CEL: variants seen among roughly 807,000 people sequenced by gnomAD.
CEL encodes the protein carboxyl ester lipase.
CEL carries 39 observed loss-of-function variants against 57.1 expected under a neutral mutation model. The ratio of observed to expected loss-of-function variants is 0.68; its 90% CI spans 0.53 to 0.89. The LOEUF (loss-of-function observed/expected upper bound fraction) is 0.89. Ranked by LOEUF, CEL falls within the 40% of genes least tolerant of loss-of-function variation. CEL has a pLI of 0.00. For synonymous variants in CEL, 314 were observed against 396.6 expected (o/e 0.79, Z 2.48); for missense variants, 698 against 915.0 (o/e 0.76, Z 3.06).
intron 1 of CEL, among the ~76,000 whole-genome samples, chr9:133,063,809 G>C (rs570892369): frequency 1.3e-5 from 2 of 152,098 alleles, no homozygotes; most frequent in Non-Finnish European, 2.9e-5. Flanking sequence ...TCCCTAGGGG[G>C]TTCTTTACCA....
In CEL at chr9:133,064,388, C is replaced by T. The variant is rs751467466; in HGVS notation, c.67-16C>T. 2.9e-5 allele frequency: 47 copies of T among 1,613,188 alleles called. No individual in the cohort carries two copies. In the South Asian group the frequency reaches 4.3e-4, roughly 15 times the overall value. On this transcript the variant is annotated splice_polypyrimidine_tract_variant and intron_variant, in intron 1 of 10. Coordinates refer to ENST00000372080, the MANE Select transcript of CEL (RefSeq NM_001807.6). ...GGGCTTGAGCCCCCCTGACCCTGCC[C>T]GTGTCTCCCTCGCAGCTGGGCGCCG...
At chr9:133,068,487 C>T (rs544367923) in intron 7 of CEL, among the ~76,000 whole-genome samples, 185 bp from the exon 8 acceptor site, 662 of 151,526 alleles carry the variant, frequency 4.4e-3, no homozygotes, top group South Asian at 0.035. Flanking sequence ...GGGTCGAGGC[C>T]GGGGATGCTC....
chr9:133,064,588 C>G, intron 2 of CEL, 34 bp downstream of exon 2: 1 of 1,613,888 alleles, frequency 6.2e-7, no homozygotes, highest in Non-Finnish European at 8.5e-7. Context: ...GGCCCTGCGG[C>G]GGGGCGGGTG....
rs746257330 is a variant in CEL at position 133,067,175 on chromosome 9, G to T, written c.865G>T (p.Ala289Ser). ...TACTGATCCCCGAGCCCTGACGCTGGCCTATAAGGTGCCGCTGGCAGGCCT... is the reference window on the plus strand; with the variant it reads ...TACTGATCCCCGAGCCCTGACGCTGTCCTATAAGGTGCCGCTGGCAGGCCT... Reference protein sequence around the residue: ...KVTDPRALTLAYKVPLAGLEY... With the variant: ...KVTDPRALTLSYKVPLAGLEY... The change falls in exon 7 of 11, where the codon GCC becomes TCC. Residue 289 changes from alanine to serine, a missense_variant. Coordinates refer to ENST00000372080, the MANE Select transcript of CEL (RefSeq NM_001807.6). 2.5e-6 allele frequency: 4 copies of T among 1,613,998 alleles called. No homozygotes were observed. Among genetic ancestry groups the T allele is most frequent in the Non-Finnish European group, 3.4e-6 (4 of 1,179,986 alleles).
At chr9:133,065,577 C>T (rs1331785509) in intron 4 of CEL, among the ~76,000 whole-genome samples, 3 of 152,062 alleles carry the variant, frequency 2.0e-5, no homozygotes, top group East Asian at 1.9e-4. Flanking sequence ...CTGGGCGCGG[C>T]GGCTCACCCC....
chr9:133,071,710 GC>G lies in CEL; in HGVS notation c.2214del (p.Thr739GlnfsTer19), dbSNP rs747827877. The G allele has an allele frequency of 1.4e-5, 22 of 1,611,972 alleles. 1 individual carries two copies. The highest frequency in any genetic ancestry group is 2.2e-5 in the East Asian group (1 of 44,820). On this transcript the variant is annotated frameshift_variant, in exon 11 of 11. Coordinates refer to ENST00000372080, the MANE Select transcript of CEL (RefSeq NM_001807.6). LOFTEE classifies it high-confidence loss of function. The stretch of plus-strand genomic sequence containing the variant: ...CGGGTGACTCTGAGGCTGCCCCTGT[GC>G]CCCCCACAGATGACTCCAAGGAAGC... The part of the protein sequence containing the change: ...PTGDSEAAPV[P>X]PTDDSKEAQM...
At chr9:133,063,008 G>A in intron 1 of CEL, among the ~76,000 whole-genome samples, 1 of 151,750 alleles carries the variant, frequency 6.6e-6, no homozygotes, top group Non-Finnish European at 1.5e-5. Flanking sequence ...TCGGTGCCCG[G>A]CCCAGTCCCT....
At chr9:133,067,031 G>C in intron 6 of CEL, 57 bp from the exon 7 acceptor site, 1 of 1,609,100 alleles carries the variant, frequency 6.2e-7, no homozygotes, top group Non-Finnish European at 8.5e-7. Flanking sequence ...GCCTTCAAAT[G>C]GTTCTGAGCC....
In CEL at chr9:133,068,735, C is replaced by T. The variant is rs546216566; in HGVS notation, c.959C>T (p.Pro320Leu). 26 of 1,606,954 alleles carry T rather than the reference C, an allele frequency of 1.6e-5. No homozygotes were observed. The East Asian group carries it at 2.5e-4, about 15-fold the overall frequency. ...VIDGDFIPAD[P>L]INLYANAADI... The stretch of plus-strand genomic sequence containing the variant: ...GATGGAGACTTCATCCCCGCTGACC[C>T]GATCAACCTGTACGCCAACGCCGCC... Residue 320 changes from proline to leucine, a missense_variant, in exon 8 of 11, where the codon CCG becomes CTG. Coordinates refer to ENST00000372080, the MANE Select transcript of CEL (RefSeq NM_001807.6).
In CEL at chr9:133,071,814, G is replaced by A; in HGVS notation, c.*50G>A. 3 of 1,528,952 alleles carry A rather than the reference G, an allele frequency of 2.0e-6. No individual in the cohort carries two copies. The highest frequency in any genetic ancestry group is 2.3e-5 in the East Asian group (1 of 44,294). 94.7% of individuals were successfully genotyped at this position (1,528,952 alleles called of 1,614,324 possible). A position where few individuals can be genotyped will look rare whatever the true frequency, so the allele number is the denominator to read the frequency against. On this transcript the variant is annotated 3_prime_UTR_variant, in exon 11 of 11. Coordinates refer to ENST00000372080, the MANE Select transcript of CEL (RefSeq NM_001807.6). Reference sequence around the variant, plus strand: ...AGGCCACAAGAGTGGGACCCCAGGGGCTCCCCTCCCATCTTGAGCTCTTCC... The same window carrying A: ...AGGCCACAAGAGTGGGACCCCAGGGACTCCCCTCCCATCTTGAGCTCTTCC...
Position 133,067,184 on chromosome 9 carries a change from G to T in CEL, c.874G>T (p.Val292Leu), listed in dbSNP as rs868527871. 10 of 1,613,852 alleles carry T rather than the reference G, an allele frequency of 6.2e-6. No homozygotes were observed. The African/African-American group carries it at 1.3e-4, about 22-fold the overall frequency. ...DPRALTLAYK[V>L]PLAGLEYPML... ...CCGAGCCCTGACGCTGGCCTATAAG[G>T]TGCCGCTGGCAGGCCTGGAGTGTGA... is the stretch of plus-strand genomic sequence containing the variant. Residue 292 changes from valine (V) to leucine (L), a missense_variant, in exon 7 of 11, where the codon GTG becomes TTG. Physicochemically the swap from Val to Leu is conservative, Grantham distance 32. Transcript: ENST00000372080.
At chr9:133,070,846 GC>G (rs1207562820) in intron 10 of CEL, 140 bp from the exon 11 acceptor site, 1 of 1,234,598 alleles carries the variant, frequency 8.1e-7, no homozygotes, top group Non-Finnish European at 1.2e-6. Context: ...CACGTGCACA[GC>G]CAGTGCCCAG....
chr9:133,065,270 G>T, intron 4 of CEL, 33 bp downstream of exon 4: 1 of 1,605,818 alleles, frequency 6.2e-7, no homozygotes, highest in South Asian at 1.1e-5. Context: ...GAGGTGGGGC[G>T]ACCAGCATGC....
chr9:133,065,309 AC>A, intron 4 of CEL, 72 bp downstream of exon 4: 4 of 1,539,288 alleles, frequency 2.6e-6, no homozygotes, highest in East Asian at 2.2e-5. Flanking sequence ...TTTCCTCAGC[AC>A]CCCTCACCCC....
Position 133,064,493 on chromosome 9 carries a change from C to T in CEL, c.156C>T (p.Gly52=), listed in dbSNP as rs1830142709. The T allele has an allele frequency of 6.2e-7, 1 of 1,614,156 alleles. No individual in the cohort carries two copies. The highest frequency in any genetic ancestry group is 2.2e-5 in the East Asian group (1 of 44,878). ...LLGDSVDIFK[G]IPFAAPTKAL... is the part of the protein sequence containing the mutation. ...GTGACTCTGTGGACATCTTCAAGGG[C>T]ATCCCCTTCGCAGCTCCCACCAAGG... Residue 52 remains glycine, a synonymous_variant, in exon 2 of 11, where the codon GGC becomes GGT. Coordinates refer to ENST00000372080, the MANE Select transcript of CEL (RefSeq NM_001807.6).
rs180995410 is a variant in CEL at position 133,070,665 on chromosome 9, C to G, written c.1484+7C>G. 1.9e-6 allele frequency: 3 copies of G among 1,612,084 alleles called. No individual in the cohort carries two copies. The highest frequency in any genetic ancestry group is 2.5e-6 in the Non-Finnish European group (3 of 1,178,714). ...CCAACTTTGCCAAAACAGGGTAAGA[C>G]GTGGGTTGAGTGCAGGGCGGAGGGC... On this transcript the variant is annotated splice_region_variant and intron_variant, in intron 10 of 10. Transcript: ENST00000372080.
chr9:133,065,051 C>A lies in CEL; in HGVS notation c.352C>A (p.Leu118Met), dbSNP rs1268240996. 2.5e-6 allele frequency: 4 copies of A among 1,613,336 alleles called. No homozygotes were observed. The highest frequency in any genetic ancestry group is 3.4e-6 in the Non-Finnish European group (4 of 1,180,014). Residue 118 changes from leucine to methionine, a missense_variant, in exon 4 of 11, where the codon CTG becomes ATG. Leu to Met is a conservative substitution (Grantham distance 15, BLOSUM62 2). Transcript: ENST00000372080. The stretch of plus-strand genomic sequence containing the variant: ...CTCCCCCATCTCAGTCTCCCGGGAC[C>A]TGCCCGTTATGATCTGGATCTATGG... ...PQGRKQVSRD[L>M]PVMIWIYGGA...
Position 133,066,867 on chromosome 9 carries a change from C to T in CEL, c.699C>T (p.Ile233=), listed in dbSNP as rs202014196. ...QTLSPYNKGL[I]RRAISQSGVA... ...TCTCCCCCTACAACAAGGGCCTCAT[C>T]CGGCGAGCCATCAGCCAGAGCGGCG... Residue 233 remains isoleucine (I), a synonymous_variant, in exon 6 of 11, where the codon ATC becomes ATT. Coordinates refer to ENST00000372080, the MANE Select transcript of CEL (RefSeq NM_001807.6). This position sits in a 1 kb window ranked among gnomAD's most constrained non-coding sequence, Gnocchi z 4.3. 7.0e-5 allele frequency: 113 copies of T among 1,613,006 alleles called. No homozygotes were observed. In the Admixed American group the frequency reaches 9.5e-4, roughly 14 times the overall value.
At chr9:133,069,903 G>A (rs1830235670) in intron 9 of CEL, among the ~76,000 whole-genome samples, 1 of 152,106 alleles carries the variant, frequency 6.6e-6, no homozygotes, top group Non-Finnish European at 1.5e-5. Flanking sequence ...CCAGGGAGGT[G>A]GAGGTTGCAG....
Sources: gnomAD v4.1 joint callset for allele counts (sites outside exome capture counted in the v4.1 genomes callset) on GRCh38, gnomAD v4.1.1 for gene constraint, Gnocchi (gnomAD v3.1) non-coding constraint, MANE v1.5 for transcripts, NCBI Gene and HGNC (gene_info 2026-07-23, HGNC 2026-07-21) for gene names.